Variants in TENM1 observed in about 807,000 individuals in gnomAD.
TENM1 encodes teneurin transmembrane protein 1.
TENM1 carries 35 observed loss-of-function variants against 174.8 expected under a neutral mutation model. That is an observed-to-expected ratio of 0.20 (90% CI 0.15 to 0.27). The LOEUF is 0.27. TENM1 is among the 10% of genes least tolerant of loss of function. TENM1 has a pLI of 1.00. For missense variants in TENM1, 1,633 were observed against 2,130.1 expected (o/e 0.77, Z 4.59); for synonymous variants, 781 against 798.7 (o/e 0.98, Z 0.37).
intron 3 of TENM1, among the ~76,000 whole-genome samples, chrX:124,886,427 A>T (rs990875353): frequency 5.6e-5 from 6 of 108,002 alleles, no homozygotes; most frequent in African/African-American, 2.0e-4. Flanking sequence ...TTTATTATTT[A>T]TGTGTAGATA....
At chrX:124,900,945 C>T (rs1291463735) in intron 1 of TENM1, among the ~76,000 whole-genome samples, 1 of 109,941 alleles carries the variant, frequency 9.1e-6, no homozygotes, top group African/African-American at 3.3e-5. Context: ...GTGCCTGCCA[C>T]CATGCCCAGC....
At chrX:124,647,872 A>G (rs2051202214) in intron 8 of TENM1, among the ~76,000 whole-genome samples, 1 of 111,157 alleles carries the variant, frequency 9.0e-6, no homozygotes, top group African/African-American at 3.3e-5. Context: ...TTTCTTGTGT[A>G]CCATTTTTTC....
chrX:124,645,796 C>G (rs2051142769), intron 9 of TENM1, among the ~76,000 whole-genome samples: 1 of 111,975 alleles, frequency 8.9e-6, no homozygotes, highest in African/African-American at 3.2e-5. Context: ...ACACATTGTG[C>G]AGACCTTTAT....
At chrX:124,941,510 G>C (rs2058325791) in intron 1 of TENM1, among the ~76,000 whole-genome samples, 1 of 111,643 alleles carries the variant, frequency 9.0e-6, no homozygotes, top group Admixed American at 9.5e-5. Context: ...CTTCCAGTGT[G>C]ATCACACCAG....
chrX:124,967,672 C>G (rs2058743743), upstream of TENM1, among the ~76,000 whole-genome samples: 2 of 111,044 alleles, frequency 1.8e-5, no homozygotes, highest in African/African-American at 6.6e-5. Context: ...AGTCAGAAAC[C>G]TAGAACTTAC....
intron 4 of TENM1, among the ~76,000 whole-genome samples, chrX:124,708,829 G>T (rs1361224048): frequency 4.5e-5 from 5 of 111,381 alleles, no homozygotes; most frequent in Non-Finnish European, 9.4e-5. Flanking sequence ...TATTGATTTT[G>T]TAACTAAGAT....
intron 11 of TENM1, among the ~76,000 whole-genome samples, chrX:124,631,673 C>T (rs999858382): frequency 1.8e-5 from 2 of 108,274 alleles, no homozygotes; most frequent in Non-Finnish European, 3.8e-5. Context: ...GCTGAGGCAG[C>T]CGGATCACAA....
the TENM1 span, among the ~76,000 whole-genome samples, chrX:125,178,590 C>G: frequency 9.0e-6 from 1 of 111,558 alleles, no homozygotes; most frequent in African/African-American, 3.3e-5. Context: ...TGGTACTCTT[C>G]TATTTTCCTC....
intron 11 of TENM1, among the ~76,000 whole-genome samples, chrX:124,572,136 C>A (rs889575768): frequency 1.1e-4 from 12 of 109,633 alleles, no homozygotes; most frequent in African/African-American, 4.0e-4. Flanking sequence ...AACATGGCTG[C>A]AAAAATCTTC....
the TENM1 span, among the ~76,000 whole-genome samples, chrX:125,163,371 G>A: frequency 9.1e-6 from 1 of 110,366 alleles, no homozygotes; most frequent in African/African-American, 3.3e-5. Flanking sequence ...TATCTAGAAT[G>A]CATCAATAGT....
At chrX:125,135,524 T>C in the TENM1 span, among the ~76,000 whole-genome samples, 1 of 112,172 alleles carries the variant, frequency 8.9e-6, no homozygotes, top group Non-Finnish European at 1.9e-5. Flanking sequence ...ATATCACTTT[T>C]ACCGACACTA....
chrX:124,391,915 T>G, intron 28 of TENM1, 137 bp downstream of exon 31: 1 of 529,863 alleles, frequency 1.9e-6, no homozygotes, highest in Non-Finnish European at 3.0e-6. Flanking sequence ...TCAACATCTT[T>G]TTGTTACTTC....
chrX:124,963,377 A>T (rs1377946343), intron 1 of TENM1, among the ~76,000 whole-genome samples, 160 bp downstream of exon 4: 1 of 112,826 alleles, frequency 8.9e-6, no homozygotes, highest in Non-Finnish European at 1.9e-5. Context: ...CTACAACCTC[A>T]GCTGGGCTGA....
chrX:125,095,131 C>T, the TENM1 span, among the ~76,000 whole-genome samples: 6 of 111,794 alleles, frequency 5.4e-5, no homozygotes, highest in African/African-American at 9.7e-5. Context: ...CAATCATGAA[C>T]TCAGGTCTTT....
At chrX:124,760,540 A>T (rs2054383046) in intron 3 of TENM1, among the ~76,000 whole-genome samples, 1 of 112,137 alleles carries the variant, frequency 8.9e-6, no homozygotes, top group Admixed American at 9.5e-5. Context: ...TACAAAAATT[A>T]ATTCAAGATG....
chrX:124,999,262 C>G, the TENM1 span, among the ~76,000 whole-genome samples: 2 of 110,649 alleles, frequency 1.8e-5, no homozygotes, highest in Non-Finnish European at 3.8e-5. Context: ...TTATGTAAGA[C>G]TATTAAAGAA....
At position 124,705,643 on chromosome X, in the gene TENM1, T is replaced by A. The variant is rs199561653; in HGVS notation, c.777-392A>T. On this transcript the variant is annotated intron_variant, in intron 4 of 31. Coordinates refer to ENST00000422452, the Ensembl canonical transcript of TENM1. The stretch of plus-strand genomic sequence containing the variant: ...ATTAGAATGGCCTAGACACCAGTGT[T>A]TGAGATTATCCTCACTACCAAACTT... Among the ~76,000 whole-genome samples the A allele has an allele frequency of 1.1e-4, 12 of 111,692 alleles. No individual in the cohort carries two copies. The East Asian group carries it at 3.4e-3, about 32-fold the overall frequency.
At chrX:124,569,291 C>T (rs1399828708) in intron 11 of TENM1, among the ~76,000 whole-genome samples, 2 of 110,500 alleles carry the variant, frequency 1.8e-5, no homozygotes, top group African/African-American at 6.5e-5. Flanking sequence ...GGGAAAAGGA[C>T]AAATTCACAA....
the TENM1 span, among the ~76,000 whole-genome samples, chrX:125,157,706 G>T: frequency 8.9e-6 from 1 of 111,930 alleles, no homozygotes; most frequent in African/African-American, 3.3e-5. Flanking sequence ...AAAGTGAATG[G>T]ATTCAAAACC....
Sources: gnomAD v4.1 joint callset for allele counts (sites outside exome capture counted in the v4.1 genomes callset) on GRCh38, gnomAD v4.1.1 for gene constraint, MANE v1.5 for transcripts, NCBI Gene and HGNC (gene_info 2026-07-23, HGNC 2026-07-21) for gene names.